DOCK2: variants seen among roughly 807,000 people sequenced by gnomAD.
The protein encoded by DOCK2 is dedicator of cytokinesis 2.
In DOCK2, 87 loss-of-function variants were observed where a neutral mutation model predicts 248.9. The observed-to-expected ratio is 0.35, with a 90% CI of 0.29 to 0.42. The LOEUF (loss-of-function observed/expected upper bound fraction) is 0.42. Ranked by LOEUF, DOCK2 falls within the 10% of genes least tolerant of loss-of-function variation. The pLI, the probability that DOCK2 is intolerant of heterozygous loss-of-function variation, is 1.00. For synonymous variants in DOCK2, 805 were observed against 821.6 expected, an observed-to-expected ratio of 0.98 and a Z score of 0.35; for missense variants, 1,747 against 2,300.2, an observed-to-expected ratio of 0.76 and a Z score of 4.92.
intron 2 of DOCK2, among the ~76,000 whole-genome samples, chr5:169,655,244 C>T (rs927436508): frequency 6.6e-6 from 1 of 152,188 alleles, no homozygotes; most frequent in African/African-American, 2.4e-5. Context: ...ACTGGCCTAC[C>T]ACAGTTCCCT....
Position 169,674,460 on chromosome 5 carries a change from C to T in DOCK2, c.470+15C>T. 1 of 1,613,772 alleles carries T rather than the reference C, an allele frequency of 6.2e-7. No homozygotes were observed. The highest frequency in any genetic ancestry group is 8.5e-7 in the Non-Finnish European group (1 of 1,179,796). On this transcript the variant is annotated intron_variant, in intron 6 of 51. Coordinates refer to ENST00000520908, the MANE Select transcript of DOCK2 (RefSeq NM_004946.3). ...TATGGCAACAAGTAACCTCTCTTTC[C>T]TCTGCAAAGAGGTTTTCTTCCCCCA... is the stretch of plus-strand genomic sequence containing the variant.
intron 27 of DOCK2, among the ~76,000 whole-genome samples, chr5:169,872,331 G>A (rs971217483): frequency 1.3e-5 from 2 of 152,216 alleles, no homozygotes; most frequent in African/African-American, 4.8e-5. Flanking sequence ...CATCTCTGGG[G>A]AAGAATTACA....
At chr5:169,967,241 G>A (rs558074608) in intron 27 of DOCK2, among the ~76,000 whole-genome samples, 25 of 152,246 alleles carry the variant, frequency 1.6e-4, no homozygotes, top group Non-Finnish European at 3.1e-4. Flanking sequence ...ACCACAGCTA[G>A]TGGTGGAGAG....
At chr5:170,015,602 A>C (rs1755497757) in intron 32 of DOCK2, among the ~76,000 whole-genome samples, 1 of 151,870 alleles carries the variant, frequency 6.6e-6, no homozygotes, top group Non-Finnish European at 1.5e-5. Context: ...TAATCAGCTC[A>C]GCTTTATTTC....
chr5:169,946,557 TCATC>T (rs886399899), intron 27 of DOCK2, among the ~76,000 whole-genome samples: 15 of 152,148 alleles, frequency 9.9e-5, no homozygotes, highest in East Asian at 3.8e-4. Context: ...GCATAGTCAC[TCATC>T]CATTCATTCA....
chr5:169,707,553 A>G (rs1354199443), intron 14 of DOCK2, among the ~76,000 whole-genome samples: 1 of 152,100 alleles, frequency 6.6e-6, no homozygotes, highest in African/African-American at 2.4e-5. Flanking sequence ...GTCAGGTTCA[A>G]TGTCTGACCC....
intron 6 of DOCK2, among the ~76,000 whole-genome samples, chr5:169,680,572 G>A (rs899354656): frequency 2.0e-5 from 3 of 152,120 alleles, no homozygotes; most frequent in African/African-American, 7.2e-5. Flanking sequence ...AGGTACGGTA[G>A]TAGCTGGGCA....
chr5:169,675,866 C>G (rs1478635785), intron 6 of DOCK2, among the ~76,000 whole-genome samples: 2 of 152,230 alleles, frequency 1.3e-5, no homozygotes, highest in Non-Finnish European at 2.9e-5. Context: ...CAGCTGGTCT[C>G]CATCCCAGGA....
chr5:170,019,166 A>G, intron 33 of DOCK2, 58 bp downstream of exon 33: 1 of 1,610,550 alleles, frequency 6.2e-7, no homozygotes, highest in Non-Finnish European at 8.5e-7. Flanking sequence ...CCATTTCCCC[A>G]TAATGATATC....
intron 27 of DOCK2, among the ~76,000 whole-genome samples, chr5:169,935,249 G>A (rs1189075938): frequency 7.2e-6 from 1 of 139,802 alleles, no homozygotes; most frequent in East Asian, 2.0e-4. Flanking sequence ...GTGAGTCACT[G>A]CCAAGATCCT....
chr5:169,702,483 G>A (rs1456843938), intron 14 of DOCK2, 56 bp downstream of exon 14: 2 of 1,602,408 alleles, frequency 1.2e-6, no homozygotes, highest in East Asian at 2.3e-5. Flanking sequence ...GCCTCTGCTT[G>A]TAAAGACGTA....
intron 27 of DOCK2, among the ~76,000 whole-genome samples, chr5:169,932,278 G>T (rs1276490988): frequency 6.6e-6 from 1 of 152,162 alleles, no homozygotes; most frequent in Non-Finnish European, 1.5e-5. Flanking sequence ...CACTGAGTGA[G>T]GGGGACACTC....
chr5:170,056,423 A>G (rs1349533628), intron 42 of DOCK2: 4 of 346,980 alleles, frequency 1.2e-5, no homozygotes, highest in Admixed American at 9.4e-5. Flanking sequence ...TAGAATTCCA[A>G]TTGCCTGGAT....
intron 27 of DOCK2, among the ~76,000 whole-genome samples, chr5:169,938,152 T>C (rs1776075754): frequency 6.6e-6 from 1 of 152,180 alleles, no homozygotes; most frequent in Admixed American, 6.5e-5. Flanking sequence ...CTCTAAAGCT[T>C]GCAGTCTATT....
chr5:169,804,871 T>A (rs1184166715), intron 26 of DOCK2, among the ~76,000 whole-genome samples: 1 of 152,188 alleles, frequency 6.6e-6, no homozygotes, highest in Non-Finnish European at 1.5e-5. Flanking sequence ...AAAGACAGTA[T>A]AATAACCAAA....
intron 25 of DOCK2, among the ~76,000 whole-genome samples, chr5:169,765,102 A>ACACACACACC (rs749426179): frequency 6.8e-6 from 1 of 147,734 alleles, no homozygotes; most frequent in Non-Finnish European, 1.5e-5. Flanking sequence ...ACACACACAC[A>ACACACACACC]CCCCACACAC....
At chr5:169,815,027 T>C (rs1327680721) in intron 26 of DOCK2, among the ~76,000 whole-genome samples, 1 of 152,176 alleles carries the variant, frequency 6.6e-6, no homozygotes, top group South Asian at 2.1e-4. Context: ...AGGACTAGGC[T>C]CTGGGGAGGT....
At chr5:169,823,704 C>A (rs1768638318) in intron 26 of DOCK2, among the ~76,000 whole-genome samples, 1 of 152,186 alleles carries the variant, frequency 6.6e-6, no homozygotes, top group Non-Finnish European at 1.5e-5. Flanking sequence ...CCTTTGAAAA[C>A]TGGCACAAGA....
intron 32 of DOCK2, among the ~76,000 whole-genome samples, chr5:170,010,441 C>A (rs1025078679): frequency 2.0e-5 from 3 of 152,174 alleles, no homozygotes; most frequent in Non-Finnish European, 4.4e-5. Flanking sequence ...CGACAGCCGG[C>A]ACCTGGCCTC....
Sources: allele counts gnomAD v4.1 joint callset (sites outside exome capture counted in the v4.1 genomes callset), GRCh38; gene constraint gnomAD v4.1.1; transcripts MANE v1.5; gene names NCBI Gene and HGNC (gene_info 2026-07-23, HGNC 2026-07-21).